The following DNAH9 variants were observed in gnomAD, a reference collection of about 807,000 sequenced individuals.
DNAH9 encodes dynein axonemal heavy chain 9.
In DNAH9, 345 loss-of-function variants were observed where a neutral mutation model predicts 471.6. That is an observed-to-expected ratio of 0.73 (90% CI 0.67 to 0.80). The LOEUF is 0.80. DNAH9 is among the 30% of genes least tolerant of loss of function. DNAH9 has a pLI of 0.00. For synonymous variants in DNAH9, 2,093 were observed against 2,123.6 expected (o/e 0.99, Z 0.40); for missense variants, 5,407 against 5,609.2 (o/e 0.96, Z 1.15).
At chr17:11,949,435 G>C (rs1332339386) in intron 67 of DNAH9, among the ~76,000 whole-genome samples, 4 of 151,304 alleles carry the variant, frequency 2.6e-5, no homozygotes, top group Non-Finnish European at 5.9e-5. Flanking sequence ...TAGGAAACTG[G>C]TTGAATTAAC....
chr17:11,611,550 G>C, intron 3 of DNAH9, 100 bp from the exon 4 acceptor site: 1 of 1,268,428 alleles, frequency 7.9e-7, no homozygotes, highest in Non-Finnish European at 1.1e-6. Context: ...GAAGCACCCC[G>C]AGGCAGGGCT....
chr17:11,783,356 T>C (rs1367159865), intron 39 of DNAH9, among the ~76,000 whole-genome samples: 1 of 152,318 alleles, frequency 6.6e-6, no homozygotes, highest in Middle Eastern at 3.4e-3. Flanking sequence ...CACTCTCTTC[T>C]TTTGAGAACA....
intron 45 of DNAH9, among the ~76,000 whole-genome samples, chr17:11,820,941 T>C (rs1970285473): frequency 6.6e-6 from 1 of 152,126 alleles, no homozygotes; most frequent in African/African-American, 2.4e-5. Context: ...GCATTTTTTA[T>C]AGTTAAATCA....
At chr17:11,616,612 G>A (rs1597392837) in intron 4 of DNAH9, among the ~76,000 whole-genome samples, 1 of 152,316 alleles carries the variant, frequency 6.6e-6, no homozygotes, top group South Asian at 2.1e-4. Flanking sequence ...GATGGTAAGA[G>A]ATTTTCCTGG....
At chr17:11,620,887 C>T (rs1449207231) in intron 6 of DNAH9, among the ~76,000 whole-genome samples, 1 of 152,156 alleles carries the variant, frequency 6.6e-6, no homozygotes. Flanking sequence ...TTATGTCTTT[C>T]CCTCAATTAT....
At chr17:11,814,617 A>T (rs1432493834) in intron 45 of DNAH9, among the ~76,000 whole-genome samples, 4 of 152,228 alleles carry the variant, frequency 2.6e-5, no homozygotes, top group Admixed American at 2.6e-4. Flanking sequence ...ACCTCTGTGC[A>T]GTCTCATGGA....
chr17:11,681,508 A>C (rs991845020), intron 19 of DNAH9, among the ~76,000 whole-genome samples: 1 of 152,180 alleles, frequency 6.6e-6, no homozygotes. Context: ...ACTGCTCAGC[A>C]TCAACGGCTC....
chr17:11,653,919 C>A, intron 14 of DNAH9, among the ~76,000 whole-genome samples: 1 of 152,110 alleles, frequency 6.6e-6, no homozygotes, highest in South Asian at 2.1e-4. Flanking sequence ...TCCACTCATT[C>A]ACCCATCCAT....
chr17:11,680,832 C>A lies in DNAH9; in HGVS notation c.3686C>A (p.Ala1229Asp). 1 of 1,613,784 alleles carries A rather than the reference C, an allele frequency of 6.2e-7. No individual in the cohort carries two copies. The highest frequency in any genetic ancestry group is 8.5e-7 in the Non-Finnish European group (1 of 1,179,882). ...EVTLLRQRCT[A>D]FDAEQQQFWE... is the part of the protein sequence containing the mutation. The stretch of plus-strand genomic sequence containing the variant: ...ACACTCCTCCGCCAGAGGTGCACAG[C>A]CTTCGATGCAGAACAGCAGCAATTC... The change falls in exon 19 of 69, where the codon GCC (alanine) becomes GAC (aspartate). Residue 1229 changes from alanine to aspartate, a missense_variant. By Grantham distance (126) the Ala-to-Asp change is moderately radical. This residue lies in a region of DNAH9 where 4,636 missense variants were observed against 4,900.3 expected (regional missense o/e 0.95). Transcript: ENST00000262442.
intron 67 of DNAH9, among the ~76,000 whole-genome samples, chr17:11,944,581 G>A (rs1975049406): frequency 6.6e-6 from 1 of 152,186 alleles, no homozygotes; most frequent in South Asian, 2.1e-4. Context: ...AACAATGATA[G>A]AAAAGTAGCT....
chr17:11,704,304 G>A lies in DNAH9; in HGVS notation c.5253G>A (p.Lys1751=), dbSNP rs1335214135. ...GYESAMKDYY[K]KQVAQLKTLI... The stretch of plus-strand genomic sequence containing the variant: ...AGAGTGCCATGAAGGACTATTATAA[G>A]AAGCAAGTGGCCCAGCTCAAAACCC... The change falls in exon 25 of 69, where the codon AAG becomes AAA. Residue 1751 remains lysine, a synonymous_variant. Transcript: ENST00000262442. 6.2e-7 allele frequency: 1 copy of A among 1,614,192 alleles called. No homozygotes were observed. Among genetic ancestry groups the A allele is most frequent in the Admixed American group, 1.7e-5 (1 of 60,022 alleles).
At chr17:11,613,871 T>C (rs912754626) in intron 4 of DNAH9, among the ~76,000 whole-genome samples, 9 of 152,226 alleles carry the variant, frequency 5.9e-5, no homozygotes, top group African/African-American at 1.9e-4. Flanking sequence ...ATGAGTTTGT[T>C]ATTTAGTGCC....
chr17:11,853,939 T>C, intron 49 of DNAH9, 64 bp from the exon 50 acceptor site: 5 of 1,501,498 alleles, frequency 3.3e-6, no homozygotes, highest in Non-Finnish European at 4.5e-6. Flanking sequence ...CCTAACTCCA[T>C]CAGTGGCAGA....
Position 11,813,236 on chromosome 17 carries a change from A to AG in DNAH9, c.8707+2869dup, listed in dbSNP as rs552568852. Among the ~76,000 whole-genome samples the AG allele has an allele frequency of 1.2e-4, 18 of 152,046 alleles. No homozygotes were observed. The East Asian group carries it at 2.7e-3, about 23-fold the overall frequency. On this transcript the variant is annotated intron_variant, in intron 45 of 68. Coordinates refer to ENST00000262442, the MANE Select transcript of DNAH9 (RefSeq NM_001372.4). ...TTTTAAGGCTTCTATATATTCTTTA[A>AG]GGAAAAAAAAAAAGGTAAAATTTGT...
At chr17:11,918,712 G>A (rs998748434) in intron 61 of DNAH9, among the ~76,000 whole-genome samples, 1 of 152,184 alleles carries the variant, frequency 6.6e-6, no homozygotes, top group Non-Finnish European at 1.5e-5. Flanking sequence ...AGGGCCGGGC[G>A]CAGTGGCTCA....
chr17:11,961,169 G>A (rs1194281412), intron 67 of DNAH9, among the ~76,000 whole-genome samples: 1 of 151,976 alleles, frequency 6.6e-6, no homozygotes, highest in East Asian at 1.9e-4. Context: ...ACAAAAATTA[G>A]CCGGGTGTGG....
chr17:11,650,711 C>T (rs886869518), intron 12 of DNAH9, among the ~76,000 whole-genome samples: 2 of 152,158 alleles, frequency 1.3e-5, no homozygotes, highest in Admixed American at 6.5e-5. Flanking sequence ...TCCTTTAGGC[C>T]ACCACCCTTG....
In DNAH9 at chr17:11,969,706, G is replaced by C. The variant is rs1462205688; in HGVS notation, c.*179G>C. ...TGCCTAAGGTGAGGCTGAGCTGAAG[G>C]AATGTGGGCCCAGGTTTCTTAATAA... On this transcript the variant is annotated 3_prime_UTR_variant, in exon 69 of 69. Transcript: ENST00000262442. The C allele has an allele frequency of 1.7e-6, 1 of 595,716 alleles. No individual in the cohort carries two copies. The highest frequency in any genetic ancestry group is 3.1e-5 in the Admixed American group (1 of 32,436). The allele number at this position is 595,716 out of a possible 1,614,324, so 36.9% of individuals were successfully genotyped here.
chr17:11,882,892 T>C, intron 55 of DNAH9: 1 of 978,128 alleles, frequency 1.0e-6, no homozygotes, highest in Non-Finnish European at 1.2e-6. Flanking sequence ...TAAGGCAGGA[T>C]CAAGATATGT....
Sources: gnomAD v4.1 joint callset for allele counts (sites outside exome capture counted in the v4.1 genomes callset) on GRCh38, gnomAD v4.1.1 for gene constraint, gnomAD v4.1.1 regional missense constraint, MANE v1.5 for transcripts, NCBI Gene and HGNC (gene_info 2026-07-23, HGNC 2026-07-21) for gene names.